Variants in AXDND1 observed in about 807,000 individuals in gnomAD.
AXDND1 encodes the protein axonemal dynein light chain domain-containing protein 1.
Under a neutral mutation model 137.5 loss-of-function variants are expected in AXDND1, and 110 were observed. That is an observed-to-expected ratio of 0.80 (90% confidence interval 0.69 to 0.94). AXDND1 has a LOEUF of 0.94. AXDND1 is among the 40% of genes least tolerant of loss of function. The pLI, the probability that AXDND1 is intolerant of heterozygous loss-of-function variation, is 0.00. For missense variants in AXDND1, 1,191 were observed against 1,169.8 expected (o/e 1.02, Z -0.26); for synonymous variants, 414 against 399.7 (o/e 1.04, Z -0.43).
At chr1:179,382,672 TA>T (rs761468359) in intron 6 of AXDND1, 27 bp from the exon 7 acceptor site, 2 of 1,558,900 alleles carry the variant, frequency 1.3e-6, no homozygotes, top group African/African-American at 2.7e-5. Flanking sequence ...TTTCTTAAAA[TA>T]ACATTTACCT....
At chr1:179,368,118 G>A (rs1021433409) in intron 2 of AXDND1, among the ~76,000 whole-genome samples, 1 of 152,108 alleles carries the variant, frequency 6.6e-6, no homozygotes, top group African/African-American at 2.4e-5. Context: ...CATAGATTAA[G>A]AAGAATAACA....
intron 12 of AXDND1, among the ~76,000 whole-genome samples, chr1:179,419,335 AG>A: frequency 6.6e-6 from 1 of 152,064 alleles, no homozygotes; most frequent in Admixed American, 6.5e-5. Context: ...TTGAGCACTG[AG>A]TGAACGAGAC....
chr1:179,549,736 A>T (rs1480578943), intron 25 of AXDND1, among the ~76,000 whole-genome samples: 2 of 152,142 alleles, frequency 1.3e-5, no homozygotes, highest in Non-Finnish European at 2.9e-5. Context: ...TGCCATCTTA[A>T]TTCCAATAAC....
At chr1:179,536,389 T>A (rs553023260) in intron 25 of AXDND1, among the ~76,000 whole-genome samples, 40 of 152,330 alleles carry the variant, frequency 2.6e-4, no homozygotes, top group African/African-American at 9.6e-4. Flanking sequence ...AATTTTTGTA[T>A]AAGGTGTAAG....
At position 179,488,634 on chromosome 1, in the gene AXDND1, C is replaced by CTTTTCTTTCTTTCTTTCTTTCT. The variant is rs376189496; in HGVS notation, c.2092-2904_2092-2903insTTTTCTTTCTTTCTTTCTTTCT. On this transcript the variant is annotated intron_variant, in intron 18 of 25. Coordinates refer to ENST00000367618, the MANE Select transcript of AXDND1 (RefSeq NM_144696.6). ...TTTCTTTCTTTCTCTCTCTCTCTCTCCTTTCTTTCTTTCTTTCTTTCTTTC... is the reference window on the plus strand; with the variant it reads ...TTTCTTTCTTTCTCTCTCTCTCTCTCTTTTCTTTCTTTCTTTCTTTCTCTTTCTTTCTTTCTTTCTTTCTTTC... Among the ~76,000 whole-genome samples the CTTTTCTTTCTTTCTTTCTTTCT allele has an allele frequency of 1.8e-3, 193 of 105,232 alleles. 23 individuals carry two copies. Among genetic ancestry groups the CTTTTCTTTCTTTCTTTCTTTCT allele is most frequent in the African/African-American group, 3.3e-3 (85 of 25,640 alleles). The allele number at this position is 105,232 out of a possible 152,430, so 69.0% of individuals were successfully genotyped here. A position where few individuals can be genotyped will look rare whatever the true frequency, so the allele number is the denominator to read the frequency against.
chr1:179,368,952 A>C lies in AXDND1; in HGVS notation c.250A>C (p.Lys84Gln). Reference protein sequence around the residue: ...GPCPENLLPPKKIKTPKGTLP... With the variant: ...GPCPENLLPPQKIKTPKGTLP... ...TTGTCCTGAAAACTTACTACCTCCT[A>C]AGAAAATTAAAACCCCAAAGGTTTG... Residue 84 changes from lysine (K) to glutamine (Q), a missense_variant, in exon 3 of 26, where the codon AAG becomes CAG. Coordinates refer to ENST00000367618, the MANE Select transcript of AXDND1 (RefSeq NM_144696.6). The C allele has an allele frequency of 6.2e-7, 1 of 1,612,358 alleles. No homozygotes were observed. The highest frequency in any genetic ancestry group is 8.5e-7 in the Non-Finnish European group (1 of 1,179,224).
At chr1:179,512,637 T>C (rs778119020) in intron 21 of AXDND1, among the ~76,000 whole-genome samples, 3 of 152,202 alleles carry the variant, frequency 2.0e-5, no homozygotes, top group Non-Finnish European at 4.4e-5. Context: ...GCATTGAATT[T>C]GTAGATTGCT....
chr1:179,368,339 C>T (rs537169399), intron 2 of AXDND1, among the ~76,000 whole-genome samples: 1 of 152,316 alleles, frequency 6.6e-6, no homozygotes, highest in African/African-American at 2.4e-5. Flanking sequence ...AGCCTTTCCA[C>T]TCTATAAATG....
Position 179,368,754 on chromosome 1 carries a change from T to TA in AXDND1, c.98-39dup, listed in dbSNP as rs779071595. 19 of 1,494,326 alleles carry TA rather than the reference T, an allele frequency of 1.3e-5. 1 individual carries two copies. The Admixed American group carries it at 1.5e-4, about 12-fold the overall frequency. The allele number at this position is 1,494,326 out of a possible 1,614,324, so 92.6% of individuals were successfully genotyped here. ...GCAGTCTGAGAAGCTCCATCTAACT[T>TA]AAAAAAATATATAGTAAGAGTTTTT... On this transcript the variant is annotated intron_variant, in intron 2 of 25. Transcript: ENST00000367618.
chr1:179,524,221 T>C (rs772566060), intron 21 of AXDND1, among the ~76,000 whole-genome samples: 44 of 152,226 alleles, frequency 2.9e-4, no homozygotes, highest in Non-Finnish European at 5.1e-4. Flanking sequence ...GTGGGATTGC[T>C]GGATCAAATG....
At chr1:179,398,525 A>G (rs987965020) in intron 11 of AXDND1, among the ~76,000 whole-genome samples, 2 of 152,156 alleles carry the variant, frequency 1.3e-5, no homozygotes, top group African/African-American at 4.8e-5. Flanking sequence ...ATTGGCTGCA[A>G]CAGGTGCTGG....
chr1:179,462,844 C>G lies in AXDND1; in HGVS notation c.1799-5599C>G, dbSNP rs538315160. On this transcript the variant is annotated intron_variant, in intron 16 of 25. Transcript: ENST00000367618. ...AGGGATTCAAATTCTTCCTGGTTTA[C>G]TCTTGGGAGGGTGTATGTGTCCAGG... Among the ~76,000 whole-genome samples, 6 of 152,168 alleles carry G rather than the reference C, an allele frequency of 3.9e-5. No homozygotes were observed. In the South Asian group the frequency reaches 1.2e-3, roughly 32 times the overall value.
At chr1:179,545,639 T>C (rs1365215096) in intron 25 of AXDND1, 1 of 152,180 alleles carries the variant, frequency 6.6e-6, no homozygotes, top group Non-Finnish European at 1.5e-5. Flanking sequence ...TTGGGGACTT[T>C]TTGTGGGGTT....
chr1:179,375,303 T>C (rs950497888), intron 4 of AXDND1, among the ~76,000 whole-genome samples: 2 of 151,840 alleles, frequency 1.3e-5, no homozygotes, highest in Admixed American at 6.6e-5. Flanking sequence ...GGTGTTTCAC[T>C]ATATTGGCTA....
intron 11 of AXDND1, among the ~76,000 whole-genome samples, chr1:179,403,106 T>C (rs1004842820): frequency 6.6e-6 from 1 of 152,208 alleles, no homozygotes; most frequent in Non-Finnish European, 1.5e-5. Context: ...GCTGGAAACC[T>C]TACTGATAAA....
At chr1:179,451,501 A>G (rs1660549610) in intron 16 of AXDND1, 1 of 152,176 alleles carries the variant, frequency 6.6e-6, no homozygotes, top group Admixed American at 6.5e-5. Context: ...TCAAAGAACC[A>G]GCTTTTGGAT....
intron 16 of AXDND1, among the ~76,000 whole-genome samples, chr1:179,466,265 C>G (rs1663157279): frequency 7.1e-6 from 1 of 141,436 alleles, no homozygotes; most frequent in African/African-American, 2.6e-5. Context: ...CTTTTCTTTT[C>G]TTTCTTTCTT....
chr1:179,543,780 A>G (rs988875335), intron 25 of AXDND1: 3 of 152,314 alleles, frequency 2.0e-5, no homozygotes, highest in Non-Finnish European at 4.4e-5. Context: ...CTGAATGCCA[A>G]TAACCAATTT....
At chr1:179,404,406 G>A (rs181164006) in intron 11 of AXDND1, among the ~76,000 whole-genome samples, 6 of 133,800 alleles carry the variant, frequency 4.5e-5, no homozygotes, top group African/African-American at 1.6e-4. Flanking sequence ...ATTTTTAGTA[G>A]AGATGAGGTT....
Sources: allele counts gnomAD v4.1 joint callset (sites outside exome capture counted in the v4.1 genomes callset), GRCh38; gene constraint gnomAD v4.1.1; transcripts MANE v1.5; gene names NCBI Gene and HGNC (gene_info 2026-07-23, HGNC 2026-07-21).